Variants in SPTBN1 observed in about 807,000 individuals in gnomAD.
SPTBN1 encodes spectrin beta chain, non-erythrocytic 1.
SPTBN1 carries 32 observed loss-of-function variants against 266.4 expected under a neutral mutation model. The ratio of observed to expected loss-of-function variants is 0.12; its 90% CI spans 0.09 to 0.16. The LOEUF (loss-of-function observed/expected upper bound fraction) is 0.16, where lower values mean the gene tolerates loss of function less well. Ranked by LOEUF, SPTBN1 falls within the 10% of genes least tolerant of loss-of-function variation. SPTBN1 has a pLI of 1.00. For missense variants in SPTBN1, 2,296 were observed against 3,067.1 expected (o/e 0.75, Z 5.94); for synonymous variants, 1,336 against 1,162.2 (o/e 1.15, Z -3.04).
chr2:54,487,643 T>C (rs977232612), intron 1 of SPTBN1, among the ~76,000 whole-genome samples: 1 of 151,642 alleles, frequency 6.6e-6, no homozygotes, highest in African/African-American at 2.4e-5. Flanking sequence ...GTCTACCCAC[T>C]AAACTAGAGT....
intron 1 of SPTBN1, among the ~76,000 whole-genome samples, chr2:54,492,919 A>G (rs1321437401): frequency 6.6e-6 from 1 of 152,158 alleles, no homozygotes; most frequent in East Asian, 1.9e-4. Flanking sequence ...GTGCAGTTTA[A>G]TATGTCTGCA....
rs1488890049 is a variant in SPTBN1 at position 54,661,839 on chromosome 2, A to G, written c.6420+1840A>G. ...CCTCCAAAAAAGGAACCACATAAGC[A>G]CACAAGAAAAGAGTGCTATGATGTT... is the stretch of plus-strand genomic sequence containing the variant. On this transcript the variant is annotated intron_variant, in intron 32 of 35. Coordinates refer to ENST00000356805, the MANE Select transcript of SPTBN1 (RefSeq NM_003128.3). 3 of 985,366 alleles carry G rather than the reference A, an allele frequency of 3.0e-6. No homozygotes were observed. In the African/African-American group the frequency reaches 5.2e-5, roughly 17 times the overall value. 61.0% of individuals were successfully genotyped at this position (985,366 alleles called of 1,614,324 possible). A position where few individuals can be genotyped will look rare whatever the true frequency, so the allele number is the denominator to read the frequency against.
intron 17 of SPTBN1, 34 bp downstream of exon 17, chr2:54,632,802 C>G (rs1678845208): frequency 1.2e-6 from 2 of 1,603,184 alleles, no homozygotes; most frequent in Non-Finnish European, 1.7e-6. Context: ...GGGAGCCTTG[C>G]ACCTTGGGGC....
At chr2:54,515,570 C>A (rs1670069000) in intron 1 of SPTBN1, among the ~76,000 whole-genome samples, 1 of 152,052 alleles carries the variant, frequency 6.6e-6, no homozygotes, top group Non-Finnish European at 1.5e-5. Flanking sequence ...CTTGCTCTGT[C>A]CCCCAGGCTG....
chr2:54,622,608 C>T, intron 9 of SPTBN1, 121 bp downstream of exon 9: 1 of 1,122,032 alleles, frequency 8.9e-7, no homozygotes, highest in Non-Finnish European at 1.3e-6. Context: ...AGTAGTGTGT[C>T]CTACTCCTTT....
intron 1 of SPTBN1, among the ~76,000 whole-genome samples, chr2:54,464,570 T>A (rs1203422053): frequency 6.6e-6 from 1 of 152,266 alleles, no homozygotes. Flanking sequence ...GACTTAATGT[T>A]TCTCTTTTTG....
intron 17 of SPTBN1, among the ~76,000 whole-genome samples, chr2:54,635,693 C>T (rs1373805030): frequency 6.6e-6 from 1 of 152,236 alleles, no homozygotes; most frequent in Non-Finnish European, 1.5e-5. Flanking sequence ...TTCCCTGCCA[C>T]TGTAGGACTT....
At chr2:54,496,066 C>A (rs10496031) in intron 1 of SPTBN1, among the ~76,000 whole-genome samples, 73,296 of 151,738 alleles carry the variant, frequency 0.48, 17,975 homozygotes, top group Admixed American at 0.53. Flanking sequence ...TGTGCTATTC[C>A]CAAAAAGTAA....
At chr2:54,525,875 G>A (rs758149837) in intron 1 of SPTBN1, among the ~76,000 whole-genome samples, 4 of 152,194 alleles carry the variant, frequency 2.6e-5, no homozygotes, top group Non-Finnish European at 5.9e-5. Flanking sequence ...GGGATTACAG[G>A]CATGTGCCAC....
At chr2:54,522,091 G>A (rs55903525) in intron 1 of SPTBN1, among the ~76,000 whole-genome samples, 31,727 of 151,124 alleles carry the variant, frequency 0.21, 3,993 homozygotes, top group African/African-American at 0.35. Context: ...TGTGGAGATG[G>A]GGGTGTCACT....
At chr2:54,522,697 G>GAGAGAGAGAGAGAAAGAGAGAGAA (rs1553439438) in intron 1 of SPTBN1, among the ~76,000 whole-genome samples, 3 of 97,330 alleles carry the variant, frequency 3.1e-5, no homozygotes, top group Non-Finnish European at 6.2e-5. Context: ...GAGAGAGAGA[G>GAGAGAGAGAGAGAAAGAGAGAGAA]AGAAAGAAAG....
At chr2:54,499,646 C>T (rs897728264) in intron 1 of SPTBN1, among the ~76,000 whole-genome samples, 5 of 152,158 alleles carry the variant, frequency 3.3e-5, no homozygotes, top group Non-Finnish European at 5.9e-5. Context: ...GTCCTAAAAA[C>T]ACAACATTTG....
At chr2:54,458,801 C>T (rs1237387576) in intron 1 of SPTBN1, among the ~76,000 whole-genome samples, 1 of 152,114 alleles carries the variant, frequency 6.6e-6, no homozygotes. Flanking sequence ...AAGGAAATTT[C>T]AATATGCTAG....
chr2:54,462,220 G>A (rs1309510468), intron 1 of SPTBN1, among the ~76,000 whole-genome samples: 1 of 152,168 alleles, frequency 6.6e-6, no homozygotes, highest in East Asian at 1.9e-4. Context: ...CCTTTCTGTT[G>A]GGACTGCCTA....
intron 17 of SPTBN1, among the ~76,000 whole-genome samples, chr2:54,636,248 A>G (rs1448034307): frequency 1.3e-5 from 2 of 152,194 alleles, no homozygotes; most frequent in Admixed American, 6.5e-5. Context: ...TCCTGATGCT[A>G]TGGAACTCCT....
chr2:54,459,535 G>C (rs532414383), intron 1 of SPTBN1, among the ~76,000 whole-genome samples: 11 of 152,300 alleles, frequency 7.2e-5, no homozygotes, highest in South Asian at 4.1e-4. Context: ...ATTCAGTGTG[G>C]ATTTTGTCGA....
At chr2:54,478,039 A>G (rs1573229688) in intron 1 of SPTBN1, among the ~76,000 whole-genome samples, 1 of 152,308 alleles carries the variant, frequency 6.6e-6, no homozygotes, top group East Asian at 1.9e-4. Context: ...TATTGTGGAA[A>G]AAGCATTCAT....
intron 1 of SPTBN1, among the ~76,000 whole-genome samples, chr2:54,458,881 T>A (rs1269658928): frequency 6.6e-6 from 1 of 152,216 alleles, no homozygotes; most frequent in Non-Finnish European, 1.5e-5. Flanking sequence ...TTCTAATGAA[T>A]CCAAGTTAGT....
At chr2:54,480,952 T>G (rs1668063584) in intron 1 of SPTBN1, among the ~76,000 whole-genome samples, 1 of 151,948 alleles carries the variant, frequency 6.6e-6, no homozygotes, top group Non-Finnish European at 1.5e-5. Flanking sequence ...GGGGAGGGGG[T>G]TAATTTTGGG....
Sources: allele counts gnomAD v4.1 joint callset (sites outside exome capture counted in the v4.1 genomes callset), GRCh38; gene constraint gnomAD v4.1.1; transcripts MANE v1.5; gene names NCBI Gene and HGNC (gene_info 2026-07-23, HGNC 2026-07-21).